GLCCI1: variants seen among roughly 807,000 people sequenced by gnomAD.
The protein encoded by GLCCI1 is glucocorticoid induced 1, also known as glucocorticoid-induced transcript 1 protein.
Under a neutral mutation model 52.2 loss-of-function variants are expected in GLCCI1, and 24 were observed. The observed-to-expected ratio is 0.46, with a 90% confidence interval of 0.33 to 0.65. The LOEUF (loss-of-function observed/expected upper bound fraction) is 0.65. Among genes scored for constraint, GLCCI1 ranks in the 30% least tolerant of loss-of-function variants. The pLI is 0.02. For missense variants in GLCCI1, 704 were observed against 701.5 expected, an observed-to-expected ratio of 1.00 and a Z score of -0.04; for synonymous variants, 310 against 276.5, an observed-to-expected ratio of 1.12 and a Z score of -1.20.
In GLCCI1 at chr7:8,001,847, G is replaced by A. The variant is rs775166958; in HGVS notation, c.458-2061G>A. Among the ~76,000 whole-genome samples, 7 of 151,912 alleles carry A rather than the reference G, an allele frequency of 4.6e-5. No individual in the cohort carries two copies. The South Asian group carries it at 8.3e-4, about 18-fold the overall frequency. ...AAACCATCATTCTGAGCAAATTATC[G>A]CAAGGACCAAACACTGCATGTCCTC... On this transcript the variant is annotated intron_variant, in intron 1 of 7. Coordinates refer to ENST00000223145, the MANE Select transcript of GLCCI1 (RefSeq NM_138426.4).
chr7:8,073,429 A>G (rs929761447), intron 6 of GLCCI1, among the ~76,000 whole-genome samples: 2 of 152,018 alleles, frequency 1.3e-5, no homozygotes, highest in South Asian at 2.1e-4. Context: ...TTGTTGGTAT[A>G]TTTTCCTCTG....
intron 3 of GLCCI1, among the ~76,000 whole-genome samples, chr7:8,047,393 A>G (rs1468601402): frequency 1.3e-5 from 2 of 152,222 alleles, no homozygotes; most frequent in African/African-American, 2.4e-5. Context: ...TTTTAAATTA[A>G]TGTATAAAGC....
chr7:8,068,657 T>A (rs1317905719), intron 5 of GLCCI1, among the ~76,000 whole-genome samples: 1 of 152,198 alleles, frequency 6.6e-6, no homozygotes, highest in Non-Finnish European at 1.5e-5. Context: ...CCAACCTGTT[T>A]AAGAACCTTT....
chr7:8,010,972 A>C (rs750599066), intron 2 of GLCCI1, among the ~76,000 whole-genome samples: 1 of 151,818 alleles, frequency 6.6e-6, no homozygotes, highest in Admixed American at 6.6e-5. Context: ...ATAACATGCT[A>C]GGGAGGCATG....
chr7:8,047,923 TC>T (rs955073305), intron 3 of GLCCI1, among the ~76,000 whole-genome samples: 35 of 152,184 alleles, frequency 2.3e-4, no homozygotes, highest in African/African-American at 8.2e-4. Flanking sequence ...TACAGCTACT[TC>T]CCTTCTCCCA....
At position 8,055,562 on chromosome 7, in the gene GLCCI1, C is replaced by A. The variant is rs367562767; in HGVS notation, c.813+13C>A. 2.6e-5 allele frequency: 37 copies of A among 1,441,732 alleles called. No individual in the cohort carries two copies. The highest frequency in any genetic ancestry group is 2.6e-5 in the Non-Finnish European group (27 of 1,024,066). 89.3% of individuals were successfully genotyped at this position (1,441,732 alleles called of 1,614,324 possible). On this transcript the variant is annotated intron_variant, in intron 4 of 7. Transcript: ENST00000223145. ...CAGTCACACTCAGGTAGGCTAACTT[C>A]TTGTCCAGATTTGAATAATTACTTT...
intron 1 of GLCCI1, among the ~76,000 whole-genome samples, chr7:7,998,468 G>A (rs755250924): frequency 3.9e-5 from 6 of 152,126 alleles, no homozygotes; most frequent in African/African-American, 1.4e-4. Context: ...CACCCACCTC[G>A]GCCTCCCAGA....
intron 3 of GLCCI1, among the ~76,000 whole-genome samples, chr7:8,026,032 G>A (rs540125588): frequency 2.6e-5 from 4 of 152,282 alleles, no homozygotes; most frequent in Non-Finnish European, 4.4e-5. Context: ...AGAATGCTGG[G>A]AATAGTAAAT....
chr7:7,980,525 T>A, intron 1 of GLCCI1: 1 of 463,664 alleles, frequency 2.2e-6, no homozygotes, highest in Non-Finnish European at 3.9e-6. Context: ...ATTCACAGTA[T>A]ACAAAGGTAT....
intron 5 of GLCCI1, among the ~76,000 whole-genome samples, chr7:8,061,224 C>G (rs184344614): frequency 6.6e-6 from 1 of 151,476 alleles, no homozygotes. Flanking sequence ...CTCAGCCTCC[C>G]GAGTAGCTGG....
At chr7:7,970,333 A>C (rs1316854322) in intron 1 of GLCCI1, 2 of 152,068 alleles carry the variant, frequency 1.3e-5, no homozygotes, top group Non-Finnish European at 2.9e-5. Flanking sequence ...TTTTGAATGT[A>C]CAATTGAAGT....
In GLCCI1 at chr7:8,086,924, A is replaced by G. The variant is rs1562456150; in HGVS notation, c.*386A>G. 1 of 157,012 alleles carries G rather than the reference A, an allele frequency of 6.4e-6. No individual in the cohort carries two copies. Among genetic ancestry groups the G allele is most frequent in the African/African-American group, 2.5e-5 (1 of 40,424 alleles). 9.7% of individuals were successfully genotyped at this position (157,012 alleles called of 1,614,324 possible). A position where few individuals can be genotyped will look rare whatever the true frequency, so the allele number is the denominator to read the frequency against. ...CCTATGGAAAATACTGTAATTCAGG[A>G]TTATGTTTACAATTGATCCAGGTGT... On this transcript the variant is annotated 3_prime_UTR_variant, in exon 8 of 8. Coordinates refer to ENST00000223145, the MANE Select transcript of GLCCI1 (RefSeq NM_138426.4). The surrounding 1 kb of genome is among the most constrained non-coding windows in gnomAD (Gnocchi z 4.4).
At chr7:7,988,448 C>G (rs1363867578) in intron 1 of GLCCI1, among the ~76,000 whole-genome samples, 1 of 152,052 alleles carries the variant, frequency 6.6e-6, no homozygotes, top group Non-Finnish European at 1.5e-5. Flanking sequence ...CAGTGCACTC[C>G]TCTAAAAGCC....
In GLCCI1 at chr7:8,030,761, G is replaced by A. The variant is rs528307937; in HGVS notation, c.696+8192G>A. On this transcript the variant is annotated intron_variant, in intron 3 of 7. Transcript: ENST00000223145. ...ACATTTCTCAAAAGAAGACATAGACGTGGAAAACAGGCATACGAAAAGGTG... is the reference window on the plus strand; with the variant it reads ...ACATTTCTCAAAAGAAGACATAGACATGGAAAACAGGCATACGAAAAGGTG... Among the ~76,000 whole-genome samples, 6 of 152,160 alleles carry A rather than the reference G, an allele frequency of 3.9e-5. No homozygotes were observed. In the East Asian group the frequency reaches 5.8e-4, roughly 15 times the overall value.
At chr7:8,009,703 G>T (rs1781225187) in intron 2 of GLCCI1, among the ~76,000 whole-genome samples, 2 of 152,186 alleles carry the variant, frequency 1.3e-5, no homozygotes, top group Admixed American at 1.3e-4. Context: ...GTATGAGCAA[G>T]AAATTAACTT....
At chr7:8,024,678 G>T (rs1257248120) in intron 3 of GLCCI1, 1 of 152,220 alleles carries the variant, frequency 6.6e-6, no homozygotes, top group African/African-American at 2.4e-5. Context: ...AAAAAGGAAT[G>T]ACTGATTCAG....
chr7:7,983,757 A>G (rs1583945345), intron 1 of GLCCI1, among the ~76,000 whole-genome samples: 1 of 152,210 alleles, frequency 6.6e-6, no homozygotes, highest in South Asian at 2.1e-4. Flanking sequence ...CTAATAGATT[A>G]TATTTGTGTT....
intron 1 of GLCCI1, chr7:7,981,960 C>G: frequency 2.4e-6 from 1 of 425,214 alleles, no homozygotes; most frequent in Non-Finnish European, 4.7e-6. Flanking sequence ...AGACTACATA[C>G]CAATCAAAAA....
At chr7:8,028,756 G>C (rs1230069165) in intron 3 of GLCCI1, among the ~76,000 whole-genome samples, 3 of 151,808 alleles carry the variant, frequency 2.0e-5, no homozygotes, top group Non-Finnish European at 4.4e-5. Context: ...ATAAATTAGA[G>C]GTGAAAAAGA....
Sources: allele counts gnomAD v4.1 joint callset (sites outside exome capture counted in the v4.1 genomes callset), GRCh38; gene constraint gnomAD v4.1.1; non-coding constraint Gnocchi (gnomAD v3.1); transcripts MANE v1.5; gene names NCBI Gene and HGNC (gene_info 2026-07-23, HGNC 2026-07-21).